The following CLSTN2 variants were observed in gnomAD, a reference collection of about 807,000 sequenced individuals.
The protein encoded by CLSTN2 is calsyntenin 2.
CLSTN2 carries 48 observed loss-of-function variants against 101.2 expected under a neutral mutation model. The ratio of observed to expected loss-of-function variants is 0.47; its 90% confidence interval spans 0.38 to 0.60. CLSTN2 has a LOEUF of 0.60. Among genes scored for constraint, CLSTN2 ranks in the 20% least tolerant of loss-of-function variants. The pLI, the probability that CLSTN2 is intolerant of heterozygous loss-of-function variation, is 0.00. For missense variants in CLSTN2, 1,160 were observed against 1,238.2 expected (o/e 0.94, Z 0.95); for synonymous variants, 481 against 463.6 (o/e 1.04, Z -0.48).
intron 8 of CLSTN2, among the ~76,000 whole-genome samples, chr3:140,530,422 A>T (rs1475915211): frequency 6.6e-6 from 1 of 152,242 alleles, no homozygotes. Context: ...TATGCTGCGC[A>T]TCATGGGGGC....
At chr3:140,033,399 C>T (rs1032656255) in intron 1 of CLSTN2, among the ~76,000 whole-genome samples, 1 of 152,242 alleles carries the variant, frequency 6.6e-6, no homozygotes, top group African/African-American at 2.4e-5. Flanking sequence ...TCCTCTTCTG[C>T]TATACCTTGC....
chr3:140,497,791 C>T (rs1934499224), intron 8 of CLSTN2, among the ~76,000 whole-genome samples: 1 of 152,206 alleles, frequency 6.6e-6, no homozygotes, highest in African/African-American at 2.4e-5. Context: ...CCACACAGTT[C>T]TGTGTATCAG....
chr3:140,235,571 T>A (rs1018841173), intron 2 of CLSTN2, among the ~76,000 whole-genome samples: 24 of 152,184 alleles, frequency 1.6e-4, no homozygotes, highest in African/African-American at 5.3e-4. Context: ...AGTCTTCTGG[T>A]TTGCTATGAC....
chr3:140,102,720 T>G (rs1435463215), intron 1 of CLSTN2, among the ~76,000 whole-genome samples: 1 of 152,210 alleles, frequency 6.6e-6, no homozygotes, highest in African/African-American at 2.4e-5. Context: ...CAGGTGTTGA[T>G]GGAAGAGACT....
At chr3:140,305,233 A>G (rs1486170967) in intron 2 of CLSTN2, among the ~76,000 whole-genome samples, 1 of 151,962 alleles carries the variant, frequency 6.6e-6, no homozygotes. Flanking sequence ...CTCCATTTGT[A>G]TATTATTATT....
At chr3:140,453,450 T>C (rs996542530) in intron 6 of CLSTN2, among the ~76,000 whole-genome samples, 2 of 152,204 alleles carry the variant, frequency 1.3e-5, no homozygotes, top group Non-Finnish European at 2.9e-5. Context: ...CACAAATTTA[T>C]TAATTCAACA....
At position 140,566,161 on chromosome 3, in the gene CLSTN2, G is replaced by A. The variant is rs764159626; in HGVS notation, c.2776G>A (p.Glu926Lys). The change falls in exon 17 of 17, where the codon GAG (glutamate) becomes AAG (lysine). Residue 926 changes from glutamate to lysine, a missense_variant. Physicochemically the swap from Glu to Lys is moderately conservative, Grantham distance 56. Transcript: ENST00000458420. ...SSGSDDSEEEEEEEGMGRGRH... is the reference protein window; with the variant it reads ...SSGSDDSEEEKEEEGMGRGRH... ...TGGCTCTGACGACAGCGAAGAGGAG[G>A]AGGAGGAGGAAGGGATGGGCAGAGG... The A allele has an allele frequency of 6.2e-7, 1 of 1,611,582 alleles. No homozygotes were observed. Among genetic ancestry groups the A allele is most frequent in the Non-Finnish European group, 8.5e-7 (1 of 1,179,464 alleles).
At chr3:140,078,008 G>T (rs1008841192) in intron 1 of CLSTN2, among the ~76,000 whole-genome samples, 1 of 152,204 alleles carries the variant, frequency 6.6e-6, no homozygotes, top group Admixed American at 6.5e-5. Flanking sequence ...CCTGCAAAGG[G>T]TCAACTGTGA....
At chr3:140,562,502 C>T (rs560787210) in intron 13 of CLSTN2, among the ~76,000 whole-genome samples, 194 bp downstream of exon 13, 1 of 152,328 alleles carries the variant, frequency 6.6e-6, no homozygotes, top group Non-Finnish European at 1.5e-5. Context: ...GGACCAGTCC[C>T]ACATTCCCAC....
At chr3:140,071,526 A>T (rs2008392179) in intron 1 of CLSTN2, among the ~76,000 whole-genome samples, 1 of 152,186 alleles carries the variant, frequency 6.6e-6, no homozygotes, top group South Asian at 2.1e-4. Flanking sequence ...GGCAATCCAT[A>T]CATACACAAT....
chr3:140,297,354 C>T (rs1445024199), intron 2 of CLSTN2, among the ~76,000 whole-genome samples: 1 of 152,174 alleles, frequency 6.6e-6, no homozygotes, highest in Non-Finnish European at 1.5e-5. Flanking sequence ...ATGGCCATCT[C>T]TGGCACCAAA....
intron 1 of CLSTN2, among the ~76,000 whole-genome samples, chr3:140,114,582 C>A (rs1267553674): frequency 2.6e-5 from 4 of 152,042 alleles, no homozygotes; most frequent in African/African-American, 9.7e-5. Context: ...TTGTAAGATC[C>A]AGCTGATTGC....
At chr3:139,946,328 A>C (rs1935213860) in intron 1 of CLSTN2, among the ~76,000 whole-genome samples, 2 of 152,122 alleles carry the variant, frequency 1.3e-5, no homozygotes, top group South Asian at 4.1e-4. Flanking sequence ...GCTGTAAGGA[A>C]ATTTCTGTTT....
intron 2 of CLSTN2, among the ~76,000 whole-genome samples, chr3:140,371,428 G>T (rs59753338): frequency 6.6e-6 from 1 of 152,302 alleles, no homozygotes; most frequent in East Asian, 1.9e-4. Flanking sequence ...TGACCATGTT[G>T]TTACAGTAGC....
intron 2 of CLSTN2, among the ~76,000 whole-genome samples, chr3:140,230,884 C>T (rs566098429): frequency 4.3e-4 from 66 of 152,122 alleles, no homozygotes; most frequent in Non-Finnish European, 8.4e-4. Flanking sequence ...ATTTAGGTTT[C>T]CCTGGAGTCT....
At chr3:140,139,829 T>C (rs968374967) in intron 1 of CLSTN2, among the ~76,000 whole-genome samples, 2 of 152,228 alleles carry the variant, frequency 1.3e-5, no homozygotes, top group Non-Finnish European at 2.9e-5. Flanking sequence ...ACTACACTTC[T>C]TTGTCCAGTG....
intron 2 of CLSTN2, among the ~76,000 whole-genome samples, chr3:140,288,405 T>G (rs1173526075): frequency 2.6e-5 from 4 of 152,046 alleles, no homozygotes; most frequent in Admixed American, 2.0e-4. Flanking sequence ...TGCCCTGGGA[T>G]CCTCTCAGAT....
At chr3:140,238,047 T>C (rs2086431675) in intron 2 of CLSTN2, among the ~76,000 whole-genome samples, 1 of 152,178 alleles carries the variant, frequency 6.6e-6, no homozygotes, top group Non-Finnish European at 1.5e-5. Flanking sequence ...ATCAACCTAT[T>C]CAGTATTCAA....
At chr3:140,517,147 T>C (rs892579067) in intron 8 of CLSTN2, among the ~76,000 whole-genome samples, 2 of 152,194 alleles carry the variant, frequency 1.3e-5, no homozygotes, top group Non-Finnish European at 2.9e-5. Flanking sequence ...ATTTTGCATT[T>C]CTCTAAGTGT....
Sources: gnomAD v4.1 joint callset for allele counts (sites outside exome capture counted in the v4.1 genomes callset) on GRCh38, gnomAD v4.1.1 for gene constraint, MANE v1.5 for transcripts, NCBI Gene and HGNC (gene_info 2026-07-23, HGNC 2026-07-21) for gene names.